Variants in MTHFD1 observed in about 807,000 individuals in gnomAD.
The protein encoded by MTHFD1 is methylenetetrahydrofolate dehydrogenase, cyclohydrolase and formyltetrahydrofolate synthetase 1, also known as C-1-tetrahydrofolate synthase, cytoplasmic.
Under a neutral mutation model 110.3 loss-of-function variants are expected in MTHFD1, and 44 were observed. That is an observed-to-expected ratio of 0.40 (90% CI 0.31 to 0.51). The LOEUF is 0.51. Ranked by LOEUF, MTHFD1 falls within the 20% of genes least tolerant of loss-of-function variation. The probability of loss-of-function intolerance (pLI) is 0.60; values close to 1 mark genes in which losing one functional copy is unlikely to be tolerated. For synonymous variants in MTHFD1, 402 were observed against 428.8 expected, an observed-to-expected ratio of 0.94 and a Z score of 0.77; for missense variants, 909 against 1,173.1, an observed-to-expected ratio of 0.77 and a Z score of 3.29.
At chr14:64,406,410 A>G (rs969426121) in intron 2 of MTHFD1, among the ~76,000 whole-genome samples, 3 of 151,586 alleles carry the variant, frequency 2.0e-5, no homozygotes, top group Non-Finnish European at 2.9e-5. Context: ...AAGCCATCAC[A>G]TGAGGCCAGG....
At chr14:64,438,461 C>T (rs1395061155) in intron 16 of MTHFD1, among the ~76,000 whole-genome samples, 1 of 152,302 alleles carries the variant, frequency 6.6e-6, no homozygotes, top group South Asian at 2.1e-4. Flanking sequence ...ACTACACATA[C>T]CAAAAGCCAG....
At chr14:64,426,415 T>TG (rs1281096490) in intron 11 of MTHFD1, among the ~76,000 whole-genome samples, 2 of 152,192 alleles carry the variant, frequency 1.3e-5, no homozygotes, top group African/African-American at 2.4e-5. Context: ...ATCTAGTAAG[T>TG]GGAAGAGTTT....
chr14:64,388,582 C>A, intron 1 of MTHFD1, 114 bp downstream of exon 1: 1 of 926,098 alleles, frequency 1.1e-6, no homozygotes, highest in Non-Finnish European at 1.8e-6. Context: ...AAGAGTTAGG[C>A]CCATAACACC....
At chr14:64,424,685 G>T (rs117025626) in intron 8 of MTHFD1, 119 bp from the exon 9 acceptor site, 6 of 1,064,800 alleles carry the variant, frequency 5.6e-6, no homozygotes, top group East Asian at 2.5e-5. Context: ...TTTAAGTTAA[G>T]TAGGCACTGG....
chr14:64,444,686 C>G lies in MTHFD1; in HGVS notation c.2137-7C>G, dbSNP rs1331211666. The G allele has an allele frequency of 1.5e-5, 24 of 1,613,966 alleles. No individual in the cohort carries two copies. Among genetic ancestry groups the G allele is most frequent in the Non-Finnish European group, 2.0e-5 (24 of 1,179,970 alleles). ...AATGCCTCTGACTCTGTTTCTTTTC[C>G]TTCCAGGTCACTGCTGGACTGCCTC... On this transcript the variant is annotated splice_region_variant and splice_polypyrimidine_tract_variant and intron_variant, in intron 21 of 27. Transcript: ENST00000652337.
chr14:64,423,510 T>C (rs1325885340), intron 8 of MTHFD1, among the ~76,000 whole-genome samples: 1 of 151,650 alleles, frequency 6.6e-6, no homozygotes, highest in Non-Finnish European at 1.5e-5. Context: ...GTCTCCTGCC[T>C]CAGCCTCTGA....
intron 16 of MTHFD1, among the ~76,000 whole-genome samples, chr14:64,437,091 T>A (rs1420713035): frequency 6.8e-6 from 1 of 147,162 alleles, no homozygotes; most frequent in Non-Finnish European, 1.5e-5. Context: ...TCAAGTGCCT[T>A]AAAAATGCTT....
intron 23 of MTHFD1, among the ~76,000 whole-genome samples, chr14:64,448,881 G>T (rs1049804726): frequency 2.6e-5 from 4 of 151,568 alleles, no homozygotes; most frequent in African/African-American, 9.7e-5. Flanking sequence ...CTCGCTGCAA[G>T]CTCTGCCTCC....
chr14:64,398,123 CAG>C (rs1414631554), intron 1 of MTHFD1, among the ~76,000 whole-genome samples: 1 of 151,168 alleles, frequency 6.6e-6, no homozygotes, highest in African/African-American at 2.4e-5. Flanking sequence ...TCCCTTGTCT[CAG>C]AGCAGAATTG....
Position 64,426,057 on chromosome 14 carries a change from T to C in MTHFD1, c.992T>C (p.Ile331Thr), listed in dbSNP as rs758098993. 25 of 1,613,696 alleles carry C rather than the reference T, an allele frequency of 1.5e-5. No homozygotes were observed. The highest frequency in any genetic ancestry group is 2.7e-5 in the African/African-American group (2 of 74,916). The stretch of plus-strand genomic sequence containing the variant: ...TCACGATCTTGTAAACCGAAGCCCA[T>C]TGGTAAGCTGGCTCGAGAAATTGGT... The part of the protein sequence containing the change: ...DISRSCKPKP[I>T]GKLAREIGLL... The change falls in exon 11 of 28, where the codon ATT becomes ACT. Residue 331 changes from isoleucine to threonine, a missense_variant. Transcript: ENST00000652337.
chr14:64,414,394 C>G (rs1270214976), intron 4 of MTHFD1, among the ~76,000 whole-genome samples: 1 of 148,592 alleles, frequency 6.7e-6, no homozygotes, highest in Admixed American at 6.8e-5. Context: ...TGGGTTCAAG[C>G]GATTCTCATG....
chr14:64,442,100 A>T lies in MTHFD1; in HGVS notation c.1931A>T (p.His644Leu), dbSNP rs762835554. 1 of 1,614,178 alleles carries T rather than the reference A, an allele frequency of 6.2e-7. No homozygotes were observed. The highest frequency in any genetic ancestry group is 8.5e-7 in the Non-Finnish European group (1 of 1,180,012). The change falls in exon 20 of 28, where the codon CAT becomes CTT. Residue 644 changes from histidine to leucine, a missense_variant. Physicochemically the swap from His to Leu is moderately conservative, Grantham distance 99. Coordinates refer to ENST00000652337, the MANE Select transcript of MTHFD1 (RefSeq NM_005956.4). ...VHAGPFANIA[H>L]GNSSIIADRI... The stretch of plus-strand genomic sequence containing the variant: ...GCTGGCCCGTTTGCCAACATCGCAC[A>T]TGGCAATTCCTCCATCATTGCAGAC...
chr14:64,438,267 G>A (rs2078222008), intron 16 of MTHFD1, among the ~76,000 whole-genome samples: 1 of 152,134 alleles, frequency 6.6e-6, no homozygotes, highest in Non-Finnish European at 1.5e-5. Context: ...TCTTTTTGGT[G>A]ACCATTCCTT....
intron 2 of MTHFD1, among the ~76,000 whole-genome samples, chr14:64,406,747 C>T (rs545285292): frequency 1.2e-4 from 18 of 152,248 alleles, no homozygotes; most frequent in Admixed American, 5.2e-4. Flanking sequence ...GCCGAGTCAC[C>T]GCACCTGACT....
intron 1 of MTHFD1, among the ~76,000 whole-genome samples, chr14:64,399,880 A>T (rs895384632): frequency 2.6e-5 from 4 of 152,042 alleles, no homozygotes; most frequent in African/African-American, 9.7e-5. Flanking sequence ...GGCTCCAGCC[A>T]TCCTCCTGCC....
At chr14:64,439,643 G>A (rs1251642962) in intron 17 of MTHFD1, among the ~76,000 whole-genome samples, 1 of 152,010 alleles carries the variant, frequency 6.6e-6, no homozygotes, top group Non-Finnish European at 1.5e-5. Context: ...GCTCACGCCT[G>A]TAATCCCAGC....
intron 13 of MTHFD1, 34 bp downstream of exon 13, chr14:64,430,264 C>T: frequency 6.2e-7 from 1 of 1,604,466 alleles, no homozygotes; most frequent in Non-Finnish European, 8.5e-7. Context: ...GAATTAGATC[C>T]CCCTTTTTTT....
In MTHFD1 at chr14:64,425,814, A is replaced by G; in HGVS notation, c.940A>G (p.Thr314Ala). ...TCAGTATAACAACCTTAACCTCAAG[A>G]CACCTGTTCCAAGGTAAAAATAAAG... ...MIQYNNLNLKTPVPSDIDISR... is the reference protein window; with the variant it reads ...MIQYNNLNLKAPVPSDIDISR... The change falls in exon 10 of 28, where the codon ACA (threonine) becomes GCA (alanine). Residue 314 changes from threonine (T) to alanine (A), a missense_variant. Coordinates refer to ENST00000652337, the MANE Select transcript of MTHFD1 (RefSeq NM_005956.4). 1 of 1,613,816 alleles carries G rather than the reference A, an allele frequency of 6.2e-7. No individual in the cohort carries two copies. The highest frequency in any genetic ancestry group is 1.1e-5 in the South Asian group (1 of 91,082).
chr14:64,401,046 A>G (rs2077891945), intron 2 of MTHFD1, among the ~76,000 whole-genome samples, 169 bp downstream of exon 2: 1 of 151,508 alleles, frequency 6.6e-6, no homozygotes, highest in South Asian at 2.1e-4. Flanking sequence ...AAATGTTGGC[A>G]TATCCTGGCC....
Sources: gnomAD v4.1 joint callset for allele counts (sites outside exome capture counted in the v4.1 genomes callset) on GRCh38, gnomAD v4.1.1 for gene constraint, MANE v1.5 for transcripts, NCBI Gene and HGNC (gene_info 2026-07-23, HGNC 2026-07-21) for gene names.